MCTP1: variants seen among roughly 807,000 people sequenced by gnomAD.
MCTP1 encodes the protein multiple C2 and transmembrane domain containing 1, also known as multiple C2 and transmembrane domain-containing protein 1.
In MCTP1, 69 loss-of-function variants were observed where a neutral mutation model predicts 120.6. That is an observed-to-expected ratio of 0.57 (90% CI 0.47 to 0.70). The LOEUF is 0.70. Ranked by LOEUF, MCTP1 falls within the 30% of genes least tolerant of loss-of-function variation. The probability of loss-of-function intolerance (pLI) is 0.00; values close to 1 mark genes in which losing one functional copy is unlikely to be tolerated. For missense variants in MCTP1, 1,203 were observed against 1,248.8 expected (o/e 0.96, Z 0.55); for synonymous variants, 529 against 493.1 (o/e 1.07, Z -0.96).
At position 94,766,558 on chromosome 5, in the gene MCTP1, A is replaced by G. The variant is rs1008579499; in HGVS notation, c.2610+12552T>C. On this transcript the variant is annotated intron_variant, in intron 19 of 22. Coordinates refer to ENST00000515393, the MANE Select transcript of MCTP1 (RefSeq NM_024717.7). ...GAGGGAGGAGGGATAGCATTAGGAG[A>G]TATACCTAATGCTAAATGACGAGTT... Among the ~76,000 whole-genome samples, 4 of 152,096 alleles carry G rather than the reference A, an allele frequency of 2.6e-5. No homozygotes were observed. In the East Asian group the frequency reaches 7.7e-4, roughly 29 times the overall value.
At chr5:94,925,022 TTTAA>T (rs1391223270) in intron 6 of MCTP1, among the ~76,000 whole-genome samples, 1 of 152,240 alleles carries the variant, frequency 6.6e-6, no homozygotes, top group Non-Finnish European at 1.5e-5. Context: ...TCATGCCATG[TTTAA>T]TTACTTCTGT....
chr5:94,913,031 A>G, intron 8 of MCTP1, 55 bp from the exon 9 acceptor site: 1 of 1,380,050 alleles, frequency 7.2e-7, no homozygotes, highest in Non-Finnish European at 9.9e-7. Context: ...CAAAAACCTC[A>G]TTTTGGCGTT....
intron 1 of MCTP1, among the ~76,000 whole-genome samples, chr5:95,173,646 A>C (rs191727974): frequency 1.0e-3 from 152 of 152,326 alleles, no homozygotes; most frequent in African/African-American, 3.4e-3. Flanking sequence ...AATTTACCAG[A>C]GTATATATTC....
Position 95,213,307 on chromosome 5 carries a change from G to A in MCTP1, c.720+70549C>T, listed in dbSNP as rs181232988. Among the ~76,000 whole-genome samples, 318 of 152,234 alleles carry A rather than the reference G, an allele frequency of 2.1e-3. 1 individual carries two copies. Among genetic ancestry groups the A allele is most frequent in the African/African-American group, 6.8e-3 (283 of 41,522 alleles). ...AATACCTAGGAATCCAACTTACAAA[G>A]GACGTGAAAGACCTCTTCAAGGAGA... On this transcript the variant is annotated intron_variant, in intron 1 of 22. Coordinates refer to ENST00000515393, the MANE Select transcript of MCTP1 (RefSeq NM_024717.7).
intron 1 of MCTP1, among the ~76,000 whole-genome samples, chr5:95,138,241 C>G (rs1173320906): frequency 6.6e-6 from 1 of 150,916 alleles, no homozygotes; most frequent in African/African-American, 2.4e-5. Flanking sequence ...CAACCCCCCC[C>G]CGACATTAAA....
At chr5:94,975,932 A>G (rs1827990933) in intron 2 of MCTP1, among the ~76,000 whole-genome samples, 1 of 152,128 alleles carries the variant, frequency 6.6e-6, no homozygotes, top group Non-Finnish European at 1.5e-5. Flanking sequence ...CCTGATGTCT[A>G]GCACAACTCC....
chr5:95,163,748 T>C (rs1039174682), intron 1 of MCTP1, among the ~76,000 whole-genome samples: 1 of 152,166 alleles, frequency 6.6e-6, no homozygotes, highest in African/African-American at 2.4e-5. Flanking sequence ...TTTGCTTCCA[T>C]TATAGGAATT....
chr5:95,278,055 C>T (rs1294400960), intron 1 of MCTP1, among the ~76,000 whole-genome samples: 1 of 148,590 alleles, frequency 6.7e-6, no homozygotes, highest in Non-Finnish European at 1.5e-5. Flanking sequence ...TATTTGGAGA[C>T]TTTAGGGACA....
intron 19 of MCTP1, among the ~76,000 whole-genome samples, chr5:94,755,694 A>G (rs1425778418): frequency 6.6e-6 from 1 of 152,104 alleles, no homozygotes; most frequent in East Asian, 1.9e-4. Flanking sequence ...CCTTTTCAGT[A>G]TATGTTCTGT....
chr5:94,755,100 C>G (rs1292834957), intron 19 of MCTP1, among the ~76,000 whole-genome samples: 1 of 152,118 alleles, frequency 6.6e-6, no homozygotes, highest in Non-Finnish European at 1.5e-5. Flanking sequence ...CCCAGTCCTC[C>G]CACTTTCTCC....
At chr5:94,958,440 G>C (rs1340976605) in intron 2 of MCTP1, among the ~76,000 whole-genome samples, 1 of 151,814 alleles carries the variant, frequency 6.6e-6, no homozygotes, top group African/African-American at 2.4e-5. Context: ...GAAGGAGATA[G>C]AGACATGAAA....
At chr5:95,178,436 C>T (rs1166704491) in intron 1 of MCTP1, among the ~76,000 whole-genome samples, 8 of 152,182 alleles carry the variant, frequency 5.3e-5, no homozygotes, top group African/African-American at 1.9e-4. Flanking sequence ...TGGCTGAAGG[C>T]CAACCAACAC....
intron 1 of MCTP1, among the ~76,000 whole-genome samples, chr5:95,176,338 A>G (rs1747975925): frequency 6.6e-6 from 1 of 152,048 alleles, no homozygotes; most frequent in South Asian, 2.1e-4. Context: ...TAGCCTGGCC[A>G]CCATGGTGAA....
chr5:95,164,211 G>A (rs1746065898), intron 1 of MCTP1, among the ~76,000 whole-genome samples: 1 of 152,048 alleles, frequency 6.6e-6, no homozygotes. Flanking sequence ...TGAAGTGGGA[G>A]CATTATTTGC....
At chr5:95,035,757 A>G (rs561679679) in intron 1 of MCTP1, among the ~76,000 whole-genome samples, 1 of 152,226 alleles carries the variant, frequency 6.6e-6, no homozygotes, top group African/African-American at 2.4e-5. Flanking sequence ...AATTTAAAGA[A>G]ATAATGTAAT....
intron 12 of MCTP1, among the ~76,000 whole-genome samples, chr5:94,887,652 A>G (rs999216268): frequency 1.3e-5 from 2 of 151,690 alleles, no homozygotes; most frequent in Admixed American, 6.6e-5. Context: ...CAAACTACCC[A>G]CTCTCCCATT....
At chr5:95,200,992 G>A (rs1675935401) in intron 1 of MCTP1, among the ~76,000 whole-genome samples, 2 of 152,210 alleles carry the variant, frequency 1.3e-5, no homozygotes, top group African/African-American at 4.8e-5. Context: ...ATAACATAAT[G>A]TAAATGTAAG....
At chr5:94,820,720 G>A (rs1785444484) in intron 17 of MCTP1, among the ~76,000 whole-genome samples, 1 of 152,192 alleles carries the variant, frequency 6.6e-6, no homozygotes, top group Non-Finnish European at 1.5e-5. Context: ...AACGCTGAAC[G>A]CTTGCTGCCC....
intron 1 of MCTP1, among the ~76,000 whole-genome samples, chr5:95,123,487 C>A (rs977897087): frequency 1.3e-5 from 2 of 152,158 alleles, no homozygotes; most frequent in Non-Finnish European, 2.9e-5. Flanking sequence ...ATGACATCCA[C>A]CTTGAGTTTT....
Sources: allele counts gnomAD v4.1 joint callset (sites outside exome capture counted in the v4.1 genomes callset), GRCh38; gene constraint gnomAD v4.1.1; transcripts MANE v1.5; gene names NCBI Gene and HGNC (gene_info 2026-07-23, HGNC 2026-07-21).